The following EHBP1L1 variants were observed in gnomAD, a reference collection of about 807,000 sequenced individuals.
EHBP1L1 encodes EH domain-binding protein 1-like protein 1.
Under a neutral mutation model 151.1 loss-of-function variants are expected in EHBP1L1, and 122 were observed. That is an observed-to-expected ratio of 0.81 (90% CI 0.70 to 0.94). EHBP1L1 has a LOEUF of 0.94. EHBP1L1 is among the 40% of genes least tolerant of loss of function. The probability of loss-of-function intolerance (pLI) is 0.00; values close to 1 mark genes in which losing one functional copy is unlikely to be tolerated. For synonymous variants in EHBP1L1, 878 were observed against 810.1 expected (o/e 1.08, Z -1.42); for missense variants, 1,941 against 1,959.8 (o/e 0.99, Z 0.18).
chr11:65,589,708 G>C, intron 12 of EHBP1L1, 43 bp from the exon 13 acceptor site: 1 of 1,492,172 alleles, frequency 6.7e-7, no homozygotes. Context: ...GCCCAGGCTG[G>C]TGGGAAACCC....
Position 65,583,711 on chromosome 11 carries a change from C to A in EHBP1L1, c.3039C>A (p.Pro1013=). 1 of 1,554,512 alleles carries A rather than the reference C, an allele frequency of 6.4e-7. No individual in the cohort carries two copies. The highest frequency in any genetic ancestry group is 2.4e-5 in the East Asian group (1 of 42,166). The change falls in exon 9 of 19, where the codon CCC becomes CCA. Residue 1013 remains proline, a synonymous_variant. Transcript: ENST00000309295. Reference sequence around the variant, plus strand: ...CCAGTGGGGCAGGGGCTGGGGCGCCCAGGGCCTCTTCCCCAGAGAAGGCTG... The same window carrying A: ...CCAGTGGGGCAGGGGCTGGGGCGCCAAGGGCCTCTTCCCCAGAGAAGGCTG... The part of the protein sequence containing the change: ...QVASGAGAGA[P]RASSPEKAEE...
intron 16 of EHBP1L1, among the ~76,000 whole-genome samples, chr11:65,590,904 G>T (rs975045193): frequency 6.6e-6 from 1 of 152,104 alleles, no homozygotes; most frequent in Non-Finnish European, 1.5e-5. Flanking sequence ...GGTGGCACGC[G>T]CCTGTAATCC....
chr11:65,587,313 C>T (rs780269334), intron 12 of EHBP1L1, among the ~76,000 whole-genome samples: 1 of 150,612 alleles, frequency 6.6e-6, no homozygotes, highest in Non-Finnish European at 1.5e-5. Flanking sequence ...GCGGAGGTCT[C>T]AGTGAGCCGA....
Position 65,582,481 on chromosome 11 carries a change from G to T in EHBP1L1, c.1809G>T (p.Glu603Asp), listed in dbSNP as rs1309863212. ...GFPETRTLEI[E>D]ILGALEKEAA... ...CAGAGACTAGGACACTAGAAATTGA[G>T]ATATTGGGGGCCTTGGAGAAAGAAG... Residue 603 changes from glutamate to aspartate, a missense_variant, in exon 9 of 19, where the codon GAG (glutamate) becomes GAT (aspartate). Glu to Asp is a conservative substitution (Grantham distance 45, BLOSUM62 2). Coordinates refer to ENST00000309295, the MANE Select transcript of EHBP1L1 (RefSeq NM_001099409.3). The T allele has an allele frequency of 6.2e-7, 1 of 1,612,960 alleles. No individual in the cohort carries two copies. The highest frequency in any genetic ancestry group is 1.7e-5 in the Admixed American group (1 of 60,004).
intron 12 of EHBP1L1, among the ~76,000 whole-genome samples, chr11:65,588,309 G>T (rs925003780): frequency 5.3e-5 from 8 of 152,202 alleles, no homozygotes; most frequent in African/African-American, 1.7e-4. Flanking sequence ...CGGCCACTGT[G>T]GCCAGGGGGC....
rs771371262 is a variant in EHBP1L1, at chr11:65,582,017, G to A, written c.1345G>A (p.Ala449Thr). The A allele has an allele frequency of 6.2e-6, 10 of 1,613,598 alleles. No homozygotes were observed. In the African/African-American group the frequency reaches 9.3e-5, roughly 15 times the overall value. Residue 449 changes from alanine (A) to threonine (T), a missense_variant, in exon 9 of 19, where the codon GCA becomes ACA. Physicochemically the swap from Ala to Thr is moderately conservative, Grantham distance 58 (BLOSUM62 0). Coordinates refer to ENST00000309295, the MANE Select transcript of EHBP1L1 (RefSeq NM_001099409.3). ...AGAGGCGACAGGGGTGATGCCTGAG[G>A]CAAGATGCAGGGGGACCCCTGAGGC... ...GPEATGVMPE[A>T]RCRGTPEAPP... is the part of the protein sequence containing the mutation.
intron 6 of EHBP1L1, 151 bp from the exon 7 acceptor site, chr11:65,580,907 T>C: frequency 2.1e-6 from 3 of 1,433,366 alleles, no homozygotes; most frequent in South Asian, 3.0e-5. Context: ...TCCACATCTG[T>C]GGGCCTGTCT....
intron 17 of EHBP1L1, 36 bp from the exon 18 acceptor site, chr11:65,591,940 C>T (rs1858336273): frequency 1.9e-6 from 3 of 1,607,936 alleles, no homozygotes; most frequent in African/African-American, 1.3e-5. Flanking sequence ...AGCCCTGGGC[C>T]CGCGCCTCCT....
At position 65,584,333 on chromosome 11, in the gene EHBP1L1, C is replaced by A; in HGVS notation, c.3186C>A (p.Phe1062Leu). ...ACCGTGGCGTCCGCATCACCAACTT[C>A]ACCACATCCTGGCGCAACGGCTTGG... ...TGYRGVRITN[F>L]TTSWRNGLAF... is the part of the protein sequence containing the mutation. The change falls in exon 10 of 19, where the codon TTC becomes TTA. Residue 1062 changes from phenylalanine to leucine, a missense_variant. Phe to Leu is a conservative substitution (Grantham distance 22, BLOSUM62 0). Transcript: ENST00000309295. 1.2e-6 allele frequency: 2 copies of A among 1,611,226 alleles called. No individual in the cohort carries two copies. The highest frequency in any genetic ancestry group is 1.7e-6 in the Non-Finnish European group (2 of 1,178,292).
At chr11:65,578,836 C>A (rs1303987490) in intron 1 of EHBP1L1, among the ~76,000 whole-genome samples, 1 of 152,212 alleles carries the variant, frequency 6.6e-6, no homozygotes, top group African/African-American at 2.4e-5. Context: ...CCTCATAGTC[C>A]CTGCCTGCCC....
chr11:65,582,245 C>T lies in EHBP1L1; in HGVS notation c.1573C>T (p.Gln525Ter). The T allele has an allele frequency of 6.5e-7, 1 of 1,526,864 alleles. No individual in the cohort carries two copies. Among genetic ancestry groups the T allele is most frequent in the Non-Finnish European group, 8.8e-7 (1 of 1,142,192 alleles). 94.6% of individuals were successfully genotyped at this position (1,526,864 alleles called of 1,614,324 possible). Residue 525 changes from glutamine (Q) to a stop codon, truncating the protein, a stop_gained, in exon 9 of 19, where the codon CAG becomes TAG. Coordinates refer to ENST00000309295, the MANE Select transcript of EHBP1L1 (RefSeq NM_001099409.3). LOFTEE classifies it high-confidence loss of function. ...APGIEGTGLE[Q>*]GPSVGAISTR... ...TGGTATTGAGGGGACAGGCCTGGAG[C>T]AGGGCCCTTCTGTTGGAGCAATAAG...
chr11:65,580,501 G>C, intron 6 of EHBP1L1, 22 bp downstream of exon 6: 2 of 1,605,842 alleles, frequency 1.2e-6, no homozygotes, highest in Non-Finnish European at 1.7e-6. Context: ...GCCTGCTGTG[G>C]ATCGAGACTG....
chr11:65,589,165 G>A (rs1007412684), intron 12 of EHBP1L1, among the ~76,000 whole-genome samples: 2 of 152,212 alleles, frequency 1.3e-5, no homozygotes, highest in Admixed American at 1.3e-4. Context: ...AGCACTTTGG[G>A]AGGCCAAAGT....
intron 1 of EHBP1L1, 91 bp downstream of exon 1, chr11:65,576,497 A>ATTTGGTC: frequency 5.2e-6 from 6 of 1,157,044 alleles, no homozygotes; most frequent in Non-Finnish European, 6.0e-6. Context: ...CCCCCAGCCC[A>ATTTGGTC]ATGACCAAAT....
Position 65,581,262 on chromosome 11 carries a change from C to T in EHBP1L1, c.755C>T (p.Pro252Leu). Residue 252 changes from proline to leucine, a missense_variant, in exon 8 of 19, where the codon CCT becomes CTT. By Grantham distance (98) the Pro-to-Leu change is moderately conservative. Transcript: ENST00000309295. ...EDTSPAPVSA[P>L]APPARTSRGQ... The stretch of plus-strand genomic sequence containing the variant: ...ACCAGCCCAGCCCCTGTGAGTGCTC[C>T]TGCACCCCCAGCCAGAACCTCCCGA... The T allele has an allele frequency of 6.2e-7, 1 of 1,611,720 alleles. No individual in the cohort carries two copies. Among genetic ancestry groups the T allele is most frequent in the Non-Finnish European group, 8.5e-7 (1 of 1,179,436 alleles).
chr11:65,590,714 G>A, intron 16 of EHBP1L1, 122 bp downstream of exon 16: 1 of 914,708 alleles, frequency 1.1e-6, no homozygotes, highest in Non-Finnish European at 1.7e-6. Flanking sequence ...CCATCTTACT[G>A]TTTTTGTCCT....
chr11:65,591,826 G>C lies in EHBP1L1; in HGVS notation c.4310G>C (p.Arg1437Thr). The C allele has an allele frequency of 6.9e-7, 1 of 1,451,660 alleles. No homozygotes were observed. The highest frequency in any genetic ancestry group is 2.4e-4 in the Middle Eastern group (1 of 4,190). 89.9% of individuals were successfully genotyped at this position (1,451,660 alleles called of 1,614,324 possible). ...LLMEEQDLER[R>T]FELLSRELRA... The stretch of plus-strand genomic sequence containing the variant: ...ATGGAGGAGCAGGACTTGGAGCGAA[G>C]GTTCGAGCTGCTGAGCCGCGAGCTG... Residue 1437 changes from arginine to threonine, a missense_variant, in exon 17 of 19, where the codon AGG becomes ACG. Coordinates refer to ENST00000309295, the MANE Select transcript of EHBP1L1 (RefSeq NM_001099409.3).
rs919502820 is a variant in EHBP1L1 at position 65,584,218 on chromosome 11, T to C, written c.3094-23T>C. The C allele has an allele frequency of 2.5e-6, 4 of 1,600,854 alleles. No individual in the cohort carries two copies. In the East Asian group the frequency reaches 6.7e-5, roughly 27 times the overall value. The stretch of plus-strand genomic sequence containing the variant: ...GCATACATCCCATTTATACATTCCC[T>C]AAGCCCACCCCTGTGTCCTCAGGCA... On this transcript the variant is annotated intron_variant, in intron 9 of 18. Transcript: ENST00000309295.
chr11:65,591,699 G>A (rs1031737683), intron 16 of EHBP1L1, 101 bp from the exon 17 acceptor site: 23 of 937,786 alleles, frequency 2.5e-5, no homozygotes, highest in Non-Finnish European at 3.9e-5. Context: ...CTGGGGAGGT[G>A]GGATGGGGTC....
Sources: allele counts gnomAD v4.1 joint callset (sites outside exome capture counted in the v4.1 genomes callset), GRCh38; gene constraint gnomAD v4.1.1; transcripts MANE v1.5; gene names NCBI Gene and HGNC (gene_info 2026-07-23, HGNC 2026-07-21).